PTPRD: variants seen among roughly 807,000 people sequenced by gnomAD.
PTPRD encodes protein tyrosine phosphatase receptor type D.
A neutral mutation model predicts 214.5 loss-of-function variants in PTPRD; 34 were observed. That is an observed-to-expected ratio of 0.16 (90% CI 0.12 to 0.21). The LOEUF (loss-of-function observed/expected upper bound fraction) is 0.21, where lower values mean the gene tolerates loss of function less well. Ranked by LOEUF, PTPRD falls within the 10% of genes least tolerant of loss-of-function variation. PTPRD has a pLI of 1.00. For missense variants in PTPRD, 2,545 were observed against 2,398.7 expected, an observed-to-expected ratio of 1.06 and a Z score of -1.27; for synonymous variants, 1,128 against 845.7, an observed-to-expected ratio of 1.33 and a Z score of -5.79.
intron 10 of PTPRD, among the ~76,000 whole-genome samples, chr9:9,165,029 G>T (rs530728306): frequency 6.9e-6 from 1 of 144,660 alleles, no homozygotes; most frequent in South Asian, 2.2e-4. Flanking sequence ...TCCAGCCTGG[G>T]TGACAGAGCA....
At chr9:10,232,096 T>C (rs564970305) in intron 3 of PTPRD, among the ~76,000 whole-genome samples, 2 of 150,368 alleles carry the variant, frequency 1.3e-5, no homozygotes, top group Non-Finnish European at 3.0e-5. Context: ...GTGTGTCTGC[T>C]TCCCCTTTGA....
At chr9:8,892,585 A>T (rs1310048841) in intron 11 of PTPRD, among the ~76,000 whole-genome samples, 1 of 149,600 alleles carries the variant, frequency 6.7e-6, no homozygotes, top group Admixed American at 6.7e-5. Context: ...ATATGTGTGT[A>T]TATATATGTG....
chr9:9,554,991 G>A (rs1218998747), intron 8 of PTPRD, among the ~76,000 whole-genome samples: 1 of 151,888 alleles, frequency 6.6e-6, no homozygotes, highest in Admixed American at 6.6e-5. Flanking sequence ...TGTCTAATGG[G>A]TTAGAATTTT....
chr9:10,521,680 A>G (rs1334369242), intron 2 of PTPRD, among the ~76,000 whole-genome samples: 2 of 152,114 alleles, frequency 1.3e-5, no homozygotes, highest in Non-Finnish European at 2.9e-5. Context: ...GACAACCACC[A>G]CCCAGATTAG....
chr9:10,263,207 T>A (rs1265753374), intron 3 of PTPRD, among the ~76,000 whole-genome samples: 1 of 152,132 alleles, frequency 6.6e-6, no homozygotes, highest in Non-Finnish European at 1.5e-5. Context: ...ACCAGTAGAA[T>A]AGGGTGTTGC....
At chr9:8,916,538 G>C (rs1409616179) in intron 11 of PTPRD, among the ~76,000 whole-genome samples, 1 of 152,148 alleles carries the variant, frequency 6.6e-6, no homozygotes, top group Non-Finnish European at 1.5e-5. Context: ...AGTGTGTAGA[G>C]AGGCCTTTTA....
chr9:10,135,419 C>T (rs2098935156), intron 3 of PTPRD, among the ~76,000 whole-genome samples: 2 of 152,146 alleles, frequency 1.3e-5, no homozygotes, highest in Admixed American at 1.3e-4. Flanking sequence ...ACCCAAGATA[C>T]ATAGTCATCG....
chr9:8,833,556 G>A (rs1181579392), intron 11 of PTPRD, among the ~76,000 whole-genome samples: 3 of 145,656 alleles, frequency 2.1e-5, no homozygotes, highest in Non-Finnish European at 4.5e-5. Context: ...TTTCTCACTT[G>A]TTAGGGCTGG....
intron 9 of PTPRD, among the ~76,000 whole-genome samples, chr9:9,278,097 G>A (rs1569566968): frequency 1.3e-5 from 2 of 151,298 alleles, no homozygotes; most frequent in African/African-American, 2.4e-5. Context: ...TGCTTTCCAC[G>A]ATTTGACATA....
At chr9:9,093,866 A>C (rs2099779756) in intron 10 of PTPRD, among the ~76,000 whole-genome samples, 1 of 151,946 alleles carries the variant, frequency 6.6e-6, no homozygotes, top group African/African-American at 2.4e-5. Context: ...TACAGAAGGC[A>C]ATGAAACAAA....
intron 37 of PTPRD, among the ~76,000 whole-genome samples, chr9:8,381,117 C>G (rs1394145524): frequency 6.6e-6 from 1 of 152,106 alleles, no homozygotes; most frequent in Non-Finnish European, 1.5e-5. Context: ...AAAAGTGACT[C>G]TAAATTCGTA....
At chr9:8,416,839 G>T (rs1440366573) in intron 35 of PTPRD, among the ~76,000 whole-genome samples, 2 of 151,762 alleles carry the variant, frequency 1.3e-5, no homozygotes, top group Admixed American at 1.3e-4. Flanking sequence ...CTTAGATATT[G>T]TTATCTCCAT....
At chr9:10,272,177 T>A (rs1422444231) in intron 3 of PTPRD, among the ~76,000 whole-genome samples, 1 of 152,162 alleles carries the variant, frequency 6.6e-6, no homozygotes, top group Non-Finnish European at 1.5e-5. Context: ...CTATTTTGGA[T>A]ATTTCACATA....
In PTPRD at chr9:10,050,941, G is replaced by C. The variant is rs570421061; in HGVS notation, c.-544-17151C>G. Among the ~76,000 whole-genome samples the C allele has an allele frequency of 2.0e-5, 3 of 152,090 alleles. No individual in the cohort carries two copies. In the South Asian group the frequency reaches 6.2e-4, roughly 32 times the overall value. ...TGTTTAAACATTGTGAAAAGGGTAA[G>C]CATATGTAATGCTTATTTTTCATAA... On this transcript the variant is annotated intron_variant, in intron 3 of 45. Transcript: ENST00000381196.
chr9:8,744,343 C>A (rs762103341), intron 11 of PTPRD, among the ~76,000 whole-genome samples: 2 of 149,568 alleles, frequency 1.3e-5, no homozygotes, highest in Non-Finnish European at 2.9e-5. Flanking sequence ...AAGATACTTG[C>A]ACACGCATGT....
At chr9:8,720,827 A>G (rs1469960811) in intron 12 of PTPRD, among the ~76,000 whole-genome samples, 2 of 152,146 alleles carry the variant, frequency 1.3e-5, no homozygotes, top group Admixed American at 1.3e-4. Context: ...TGAGGGGCAT[A>G]GTAACTACAA....
intron 3 of PTPRD, among the ~76,000 whole-genome samples, chr9:10,081,381 A>C (rs1276848571): frequency 3.3e-5 from 5 of 152,026 alleles, no homozygotes; most frequent in African/African-American, 4.8e-5. Context: ...TATCCCCTCC[A>C]ATTTTGTATG....
chr9:8,341,454 T>C (rs1852359750), intron 40 of PTPRD, among the ~76,000 whole-genome samples, 186 bp from the exon 41 acceptor site: 1 of 152,120 alleles, frequency 6.6e-6, no homozygotes, highest in Admixed American at 6.6e-5. Context: ...ATTGGATTTC[T>C]ATATATTTTC....
chr9:8,701,967 T>C (rs1329797655), intron 12 of PTPRD, among the ~76,000 whole-genome samples: 1 of 152,212 alleles, frequency 6.6e-6, no homozygotes, highest in Non-Finnish European at 1.5e-5. Context: ...TAAATCAGGG[T>C]TTATTTATAC....
Sources: gnomAD v4.1 joint callset for allele counts (sites outside exome capture counted in the v4.1 genomes callset) on GRCh38, gnomAD v4.1.1 for gene constraint, MANE v1.5 for transcripts, NCBI Gene and HGNC (gene_info 2026-07-23, HGNC 2026-07-21) for gene names.